FNTA: variants seen among roughly 807,000 people sequenced by gnomAD.
FNTA encodes farnesyltransferase, CAAX box, subunit alpha.
A neutral mutation model predicts 55.2 loss-of-function variants in FNTA; 27 were observed. That is an observed-to-expected ratio of 0.49 (90% CI 0.36 to 0.67). The LOEUF (loss-of-function observed/expected upper bound fraction) is 0.67, where lower values mean the gene tolerates loss of function less well. FNTA is among the 30% of genes least tolerant of loss of function. The pLI, the probability that FNTA is intolerant of heterozygous loss-of-function variation, is 0.00. For missense variants in FNTA, 422 were observed against 464.7 expected (o/e 0.91, Z 0.85); for synonymous variants, 176 against 170.7 (o/e 1.03, Z -0.24).
chr8:43,084,787 C>G lies in FNTA; in HGVS notation c.923C>G (p.Ser308Cys), dbSNP rs777046833. 2 of 1,612,764 alleles carry G rather than the reference C, an allele frequency of 1.2e-6. No individual in the cohort carries two copies. The highest frequency in any genetic ancestry group is 2.2e-5 in the East Asian group (1 of 44,870). The stretch of plus-strand genomic sequence containing the variant: ...CTTGATTTACAACCAAGTCATAGTT[C>G]CCCCTACCTAATTGCCTTTCTTGTG... The part of the protein sequence containing the change: ...QLLDLQPSHS[S>C]PYLIAFLVDI... Residue 308 changes from serine (S) to cysteine (C), a missense_variant, in exon 8 of 9, where the codon TCC (serine) becomes TGC (cysteine). Physicochemically the swap from Ser to Cys is moderately radical, Grantham distance 112. Around this residue, in one of 2 missense-constraint regions of FNTA, gnomAD observed 262 missense variants for 343.1 expected, o/e 0.76. Transcript: ENST00000302279.
At position 43,076,942 on chromosome 8, in the gene FNTA, CCTT is replaced by C. The variant is rs1451840067; in HGVS notation, c.634-271_634-269del. 10 of 279,000 alleles carry C rather than the reference CCTT, an allele frequency of 3.6e-5. No individual in the cohort carries two copies. In the East Asian group the frequency reaches 6.1e-4, roughly 17 times the overall value. 17.3% of individuals were successfully genotyped at this position (279,000 alleles called of 1,614,324 possible). A position where few individuals can be genotyped will look rare whatever the true frequency, so the allele number is the denominator to read the frequency against. ...AATTTATATCTATACTGTGGTCACT[CCTT>C]CTCTTACTAGTGAGTTTGGGGTTTT... On this transcript the variant is annotated intron_variant, in intron 5 of 8. Transcript: ENST00000302279.
rs778828646 is a variant in FNTA, at chr8:43,083,198, C to CT, written c.845+25dup. On this transcript the variant is annotated intron_variant, in intron 7 of 8. Coordinates refer to ENST00000302279, the MANE Select transcript of FNTA (RefSeq NM_002027.3). ...TTGAAAGGGTAAGAGGTTGTTTTTG[C>CT]TTTTTTTATATATAAAAAAGAAGTG... The CT allele has an allele frequency of 4.6e-6, 7 of 1,508,638 alleles. No individual in the cohort carries two copies. Among genetic ancestry groups the CT allele is most frequent in the African/African-American group, 1.4e-5 (1 of 71,092 alleles). The allele number at this position is 1,508,638 out of a possible 1,614,324, so 93.5% of individuals were successfully genotyped here.
At chr8:43,060,137 A>G (rs370353849) in intron 2 of FNTA, among the ~76,000 whole-genome samples, 1 of 152,212 alleles carries the variant, frequency 6.6e-6, no homozygotes, top group East Asian at 1.9e-4. Context: ...TCGATTAAGG[A>G]GAAGGTCAGA....
intron 5 of FNTA, 33 bp downstream of exon 5, chr8:43,072,340 T>A: frequency 6.9e-7 from 1 of 1,457,238 alleles, no homozygotes; most frequent in Non-Finnish European, 9.1e-7. Context: ...TTTTTCAGAT[T>A]TTTTTTTTAA....
chr8:43,084,199 A>G (rs1198548386), intron 7 of FNTA, among the ~76,000 whole-genome samples: 1 of 147,512 alleles, frequency 6.8e-6, no homozygotes, highest in Non-Finnish European at 1.5e-5. Flanking sequence ...AACTTTTTCT[A>G]CTTAGCTTGT....
intron 6 of FNTA, chr8:43,079,518 T>A: frequency 7.9e-5 from 1 of 12,614 alleles, no homozygotes; most frequent in South Asian, 2.5e-3. Context: ...TTGAGGTCTG[T>A]TGTTCAGAAA....
intron 4 of FNTA, among the ~76,000 whole-genome samples, chr8:43,071,690 G>A (rs1355172098): frequency 1.5e-5 from 2 of 136,082 alleles, no homozygotes; most frequent in Non-Finnish European, 3.1e-5. Context: ...GCGAGACTTC[G>A]TCTCAAAAAA....
At chr8:43,074,174 A>C (rs1164284128) in intron 5 of FNTA, among the ~76,000 whole-genome samples, 3 of 152,190 alleles carry the variant, frequency 2.0e-5, no homozygotes, top group Admixed American at 6.5e-5. Context: ...GATTGGATGT[A>C]TTTTACTGTA....
At chr8:43,062,541 C>G (rs1404147896) in intron 2 of FNTA, among the ~76,000 whole-genome samples, 1 of 152,158 alleles carries the variant, frequency 6.6e-6, no homozygotes, top group Non-Finnish European at 1.5e-5. Context: ...CTCGGCCTCC[C>G]AAGGTGCTGA....
intron 6 of FNTA, 106 bp from the exon 7 acceptor site, chr8:43,083,012 C>T (rs1811054701): frequency 6.4e-6 from 4 of 624,268 alleles, no homozygotes; most frequent in Non-Finnish European, 1.1e-5. Flanking sequence ...TGCCACTGCA[C>T]TCCAGCCTGG....
At chr8:43,070,926 G>C (rs544538248) in intron 4 of FNTA, among the ~76,000 whole-genome samples, 54 of 152,274 alleles carry the variant, frequency 3.5e-4, no homozygotes, top group Non-Finnish European at 5.3e-4. Context: ...GAACTCACCA[G>C]CAACCTGGAA....
intron 3 of FNTA, among the ~76,000 whole-genome samples, chr8:43,068,089 A>G (rs1443962575): frequency 5.3e-5 from 8 of 152,092 alleles, no homozygotes; most frequent in Non-Finnish European, 1.2e-4. Context: ...TTTAGTAGAG[A>G]TGGTGTTTCA....
intron 3 of FNTA, among the ~76,000 whole-genome samples, chr8:43,067,646 C>G (rs1429273472): frequency 7.3e-6 from 1 of 136,416 alleles, no homozygotes; most frequent in South Asian, 2.4e-4. Context: ...GGGAAGTCTA[C>G]TTTTTTTTTT....
chr8:43,072,585 T>C (rs1026358172), intron 5 of FNTA, among the ~76,000 whole-genome samples: 3 of 151,968 alleles, frequency 2.0e-5, no homozygotes, highest in Admixed American at 6.6e-5. Context: ...AAATTAGCCA[T>C]GCATGGTGGC....
chr8:43,058,879 C>A, intron 1 of FNTA: 1 of 402,310 alleles, frequency 2.5e-6, no homozygotes, highest in Non-Finnish European at 4.4e-6. Context: ...TTTTCAGCAT[C>A]TGAGGGTTAT....
intron 7 of FNTA, among the ~76,000 whole-genome samples, chr8:43,083,567 A>G (rs1586662711): frequency 6.6e-6 from 1 of 152,172 alleles, no homozygotes; most frequent in Admixed American, 6.6e-5. Flanking sequence ...TTTCATTTCT[A>G]GAGATCTCCG....
chr8:43,069,791 C>G lies in FNTA; in HGVS notation c.506+132C>G, dbSNP rs1054518251. The stretch of plus-strand genomic sequence containing the variant: ...TCCTGGGTAGCTGGGATTACAGGTG[C>G]ACGCAACCACACCTGGCTAATTTTG... On this transcript the variant is annotated intron_variant, in intron 4 of 8. Transcript: ENST00000302279. 5 of 606,234 alleles carry G rather than the reference C, an allele frequency of 8.2e-6. No individual in the cohort carries two copies. The African/African-American group carries it at 9.3e-5, about 11-fold the overall frequency. The allele number at this position is 606,234 out of a possible 1,614,324, so 37.6% of individuals were successfully genotyped here.
chr8:43,080,789 T>A (rs1399866603), intron 6 of FNTA: 1 of 152,246 alleles, frequency 6.6e-6, no homozygotes, highest in Non-Finnish European at 1.5e-5. Flanking sequence ...CTGGCAGTTT[T>A]ATTGAACATT....
chr8:43,059,031 CTA>C, intron 1 of FNTA, 59 bp from the exon 2 acceptor site: 1 of 1,202,498 alleles, frequency 8.3e-7, no homozygotes, highest in Non-Finnish European at 1.2e-6. Context: ...TTTAAAAACA[CTA>C]GAGTCCCTTT....
Sources: gnomAD v4.1 joint callset for allele counts (sites outside exome capture counted in the v4.1 genomes callset) on GRCh38, gnomAD v4.1.1 for gene constraint, gnomAD v4.1.1 regional missense constraint, MANE v1.5 for transcripts, NCBI Gene and HGNC (gene_info 2026-07-23, HGNC 2026-07-21) for gene names.